Variants in DMXL1 observed in about 807,000 individuals in gnomAD.
DMXL1 encodes the protein dmX-like protein 1.
Under a neutral mutation model 319.2 loss-of-function variants are expected in DMXL1, and 99 were observed. That is an observed-to-expected ratio of 0.31 (90% CI 0.26 to 0.37). The LOEUF (loss-of-function observed/expected upper bound fraction) is 0.37. Ranked by LOEUF, DMXL1 falls within the 10% of genes least tolerant of loss-of-function variation. DMXL1 has a pLI of 1.00. For missense variants in DMXL1, 3,745 were observed against 3,595.6 expected, an observed-to-expected ratio of 1.04 and a Z score of -1.06; for synonymous variants, 1,385 against 1,235.2, an observed-to-expected ratio of 1.12 and a Z score of -2.54.
At chr5:119,099,175 GTTT>G (rs796213660) in intron 2 of DMXL1, among the ~76,000 whole-genome samples, 1 of 129,068 alleles carries the variant, frequency 7.7e-6, no homozygotes, top group Non-Finnish European at 1.6e-5. Context: ...AAATCTTTGG[GTTT>G]TTTTTTTGTT....
chr5:119,082,718 T>A (rs2149699063), intron 1 of DMXL1, among the ~76,000 whole-genome samples: 2 of 152,380 alleles, frequency 1.3e-5, no homozygotes, highest in South Asian at 4.1e-4. Flanking sequence ...GTGTTTATGC[T>A]AGAACTATTT....
intron 34 of DMXL1, among the ~76,000 whole-genome samples, chr5:119,209,490 C>G (rs547965388): frequency 6.6e-6 from 1 of 151,912 alleles, no homozygotes; most frequent in Non-Finnish European, 1.5e-5. Flanking sequence ...GCTGGGACTA[C>G]AGGCATGCAT....
chr5:119,214,096 C>G (rs1329962721), intron 34 of DMXL1, among the ~76,000 whole-genome samples: 1 of 151,858 alleles, frequency 6.6e-6, no homozygotes, highest in African/African-American at 2.4e-5. Context: ...ATGCTGACAA[C>G]TCTCAAATCT....
intron 5 of DMXL1, among the ~76,000 whole-genome samples, chr5:119,114,123 A>G (rs974582434): frequency 3.3e-5 from 5 of 152,220 alleles, no homozygotes; most frequent in African/African-American, 1.2e-4. Flanking sequence ...ATTATATATT[A>G]TCCATGAAAA....
intron 10 of DMXL1, among the ~76,000 whole-genome samples, chr5:119,131,951 AAG>A (rs1434716458): frequency 6.6e-6 from 1 of 152,236 alleles, no homozygotes; most frequent in African/African-American, 2.4e-5. Context: ...ACTCAAGGCA[AAG>A]AGATAAAACA....
chr5:119,121,099 T>C lies in DMXL1; in HGVS notation c.1062T>C (p.Leu354=), dbSNP rs1761944836. 4 of 1,609,092 alleles carry C rather than the reference T, an allele frequency of 2.5e-6. No individual in the cohort carries two copies. The East Asian group carries it at 6.7e-5, about 27-fold the overall frequency. The change falls in exon 9 of 44, where the codon CTT becomes CTC. Residue 354 remains leucine (L), a synonymous_variant. Transcript: ENST00000539542. ...HRNTPLHANA[L]CHFHIAASIN... ...ACACTCCACTGCATGCCAATGCACT[T>C]TGCCACTTTCATATTGCAGCCAGCA...
intron 35 of DMXL1, 21 bp downstream of exon 35, chr5:119,217,008 C>G (rs530626665): frequency 2.3e-6 from 3 of 1,324,054 alleles, no homozygotes; most frequent in Non-Finnish European, 3.1e-6. Context: ...AGACATTCTT[C>G]TTTTGTTTAT....
At chr5:119,108,179 A>C (rs1207671094) in intron 4 of DMXL1, among the ~76,000 whole-genome samples, 1 of 152,206 alleles carries the variant, frequency 6.6e-6, no homozygotes, top group Non-Finnish European at 1.5e-5. Flanking sequence ...CCTGGGCAAC[A>C]TAGCAAGACC....
At position 119,233,410 on chromosome 5, in the gene DMXL1, T is replaced by C; in HGVS notation, c.8409T>C (p.Phe2803=). The change falls in exon 39 of 44, where the codon TTT becomes TTC. Residue 2803 remains phenylalanine (F), a synonymous_variant. Transcript: ENST00000539542. The stretch of plus-strand genomic sequence containing the variant: ...GCCATTCTCAACAAATAACCTGTTT[T>C]CGATCTGGTGGCAATTCAAGAGTTA... ...EWGHSQQITC[F]RSGGNSRVTR... 5.0e-6 allele frequency: 8 copies of C among 1,612,990 alleles called. No homozygotes were observed. Among genetic ancestry groups the C allele is most frequent in the Non-Finnish European group, 6.8e-6 (8 of 1,179,194 alleles).
intron 13 of DMXL1, among the ~76,000 whole-genome samples, chr5:119,143,234 A>T (rs1767807333): frequency 6.6e-6 from 1 of 152,040 alleles, no homozygotes; most frequent in Non-Finnish European, 1.5e-5. Flanking sequence ...AAAATTAAAG[A>T]TTGAATGCTG....
intron 10 of DMXL1, 60 bp from the exon 11 acceptor site, chr5:119,133,072 C>G (rs1050360281): frequency 4.5e-6 from 7 of 1,572,686 alleles, no homozygotes; most frequent in East Asian, 2.3e-5. Flanking sequence ...CTCGGTAATT[C>G]TTAATTTATA....
At chr5:119,234,827 A>G (rs897096655) in intron 39 of DMXL1, among the ~76,000 whole-genome samples, 1 of 152,184 alleles carries the variant, frequency 6.6e-6, no homozygotes, top group Non-Finnish European at 1.5e-5. Context: ...AATATAGGTG[A>G]GATCACATTA....
chr5:119,238,912 CT>C, intron 40 of DMXL1, 76 bp from the exon 41 acceptor site: 1 of 1,565,892 alleles, frequency 6.4e-7, no homozygotes, highest in Non-Finnish European at 8.7e-7. Context: ...TACATGATCA[CT>C]TTTCGAAGAA....
chr5:119,189,393 A>G (rs1043338435), intron 28 of DMXL1, among the ~76,000 whole-genome samples: 1 of 152,188 alleles, frequency 6.6e-6, no homozygotes, highest in African/African-American at 2.4e-5. Context: ...GGATGTTGGA[A>G]ATTTCCTATC....
At chr5:119,176,587 A>G (rs569265724) in intron 26 of DMXL1, among the ~76,000 whole-genome samples, 1 of 152,220 alleles carries the variant, frequency 6.6e-6, no homozygotes, top group African/African-American at 2.4e-5. Flanking sequence ...AAGGGAAACT[A>G]CAAAGGCATC....
chr5:119,114,832 C>G (rs1456249234), intron 6 of DMXL1, among the ~76,000 whole-genome samples: 1 of 152,088 alleles, frequency 6.6e-6, no homozygotes, highest in African/African-American at 2.4e-5. Context: ...CTATGCCCGT[C>G]TAATTTTTGT....
At chr5:119,179,031 A>G (rs1348511652) in intron 28 of DMXL1, among the ~76,000 whole-genome samples, 1 of 152,170 alleles carries the variant, frequency 6.6e-6, no homozygotes, top group Admixed American at 6.5e-5. Flanking sequence ...AGGCTGCTTT[A>G]TGATTTGCAT....
At chr5:119,204,069 G>A (rs1046848154) in intron 33 of DMXL1, among the ~76,000 whole-genome samples, 5 of 151,984 alleles carry the variant, frequency 3.3e-5, no homozygotes, top group African/African-American at 4.8e-5. Context: ...TGATCCACCC[G>A]CCTCAGCCTC....
chr5:119,185,236 C>G (rs369239319), intron 28 of DMXL1, among the ~76,000 whole-genome samples: 1 of 151,972 alleles, frequency 6.6e-6, no homozygotes, highest in African/African-American at 2.4e-5. Context: ...CCCTTTCCCC[C>G]TATTTATCAA....
Sources: gnomAD v4.1 joint callset for allele counts (sites outside exome capture counted in the v4.1 genomes callset) on GRCh38, gnomAD v4.1.1 for gene constraint, MANE v1.5 for transcripts, NCBI Gene and HGNC (gene_info 2026-07-23, HGNC 2026-07-21) for gene names.